The following CEP83 variants were observed in gnomAD, a reference collection of about 807,000 sequenced individuals.
The protein encoded by CEP83 is centrosomal protein 83.
CEP83 carries 70 observed loss-of-function variants against 101.9 expected under a neutral mutation model. That is an observed-to-expected ratio of 0.69 (90% CI 0.57 to 0.84). CEP83 has a LOEUF of 0.84. Among genes scored for constraint, CEP83 ranks in the 40% least tolerant of loss-of-function variants. The pLI is 0.00. For missense variants in CEP83, 715 were observed against 787.2 expected (o/e 0.91, Z 1.10); for synonymous variants, 264 against 267.9 (o/e 0.99, Z 0.14).
intron 11 of CEP83, among the ~76,000 whole-genome samples, chr12:94,343,101 G>GTATA (rs545730120): frequency 1.3e-5 from 2 of 149,748 alleles, no homozygotes; most frequent in East Asian, 3.9e-4. Flanking sequence ...GTGTGTGTAT[G>GTATA]TATATATATA....
chr12:94,428,983 T>C (rs1436877294), intron 2 of CEP83, among the ~76,000 whole-genome samples: 2 of 152,210 alleles, frequency 1.3e-5, no homozygotes, highest in Non-Finnish European at 2.9e-5. Flanking sequence ...TGATGGTCAG[T>C]GGAATATACT....
At chr12:94,333,201 GGTTTA>G (rs2059309832) in intron 13 of CEP83, among the ~76,000 whole-genome samples, 1 of 151,938 alleles carries the variant, frequency 6.6e-6, no homozygotes. Flanking sequence ...GAAATGTTTT[GGTTTA>G]ATCAATGAAT....
intron 6 of CEP83, among the ~76,000 whole-genome samples, chr12:94,399,101 C>T (rs775971912): frequency 6.6e-6 from 1 of 152,172 alleles, no homozygotes; most frequent in Non-Finnish European, 1.5e-5. Context: ...CTGCCCTTTG[C>T]CTTTTGATCT....
At chr12:94,377,511 CAATT>C (rs1335250339) in intron 7 of CEP83, among the ~76,000 whole-genome samples, 4 of 151,914 alleles carry the variant, frequency 2.6e-5, no homozygotes, top group Non-Finnish European at 5.9e-5. Flanking sequence ...ATTCGACAAA[CAATT>C]AGGGAAAAAA....
chr12:94,334,126 C>G (rs1211299280), intron 12 of CEP83, among the ~76,000 whole-genome samples: 1 of 152,166 alleles, frequency 6.6e-6, no homozygotes, highest in African/African-American at 2.4e-5. Flanking sequence ...ACTCTCCGAG[C>G]AATCAAAATT....
At chr12:94,271,102 T>G in the CEP83 span, among the ~76,000 whole-genome samples, 1 of 152,214 alleles carries the variant, frequency 6.6e-6, no homozygotes, top group Non-Finnish European at 1.5e-5. Flanking sequence ...TTAATTCAGG[T>G]TGGTATAAGA....
the CEP83 span, chr12:94,279,712 C>T: frequency 1.4e-6 from 2 of 1,382,692 alleles, no homozygotes; most frequent in African/African-American, 3.2e-5. Context: ...TGCCTGCCCT[C>T]CCTCCCTGTC....
At chr12:94,417,670 T>G (rs1329602695) in intron 2 of CEP83, among the ~76,000 whole-genome samples, 2 of 152,042 alleles carry the variant, frequency 1.3e-5, no homozygotes, top group Non-Finnish European at 2.9e-5. Flanking sequence ...ACGTCTGTCA[T>G]CTCAGCTACT....
intron 8 of CEP83, among the ~76,000 whole-genome samples, chr12:94,371,075 TTATATG>T (rs2061281282): frequency 6.6e-6 from 1 of 152,160 alleles, no homozygotes; most frequent in African/African-American, 2.4e-5. Flanking sequence ...CAAAATGTTA[TTATATG>T]TATAACATCA....
chr12:94,382,220 G>C (rs2061889287), intron 6 of CEP83, among the ~76,000 whole-genome samples: 3 of 151,906 alleles, frequency 2.0e-5, no homozygotes, highest in Admixed American at 1.3e-4. Flanking sequence ...TCATTCCTGA[G>C]ATAGGTAAAA....
chr12:94,459,129 C>A (rs1489679764), intron 1 of CEP83, among the ~76,000 whole-genome samples: 4 of 152,202 alleles, frequency 2.6e-5, no homozygotes, highest in African/African-American at 2.4e-5. Context: ...AGTGGATATT[C>A]TTAAGAGCAA....
chr12:94,405,437 G>A (rs1474358442), intron 4 of CEP83, among the ~76,000 whole-genome samples: 1 of 152,108 alleles, frequency 6.6e-6, no homozygotes. Context: ...AGTGGAAGTG[G>A]GTGGGAGAAA....
At chr12:94,456,542 A>G (rs1027678042) in intron 1 of CEP83, among the ~76,000 whole-genome samples, 5 of 152,234 alleles carry the variant, frequency 3.3e-5, no homozygotes, top group Non-Finnish European at 7.3e-5. Context: ...GAGAGGCGTC[A>G]GAAAACTTAC....
the CEP83 span, among the ~76,000 whole-genome samples, chr12:94,270,063 A>G: frequency 2.6e-5 from 4 of 152,224 alleles, no homozygotes; most frequent in East Asian, 7.7e-4. Flanking sequence ...ATGTGACTCT[A>G]TTATGTTATT....
At chr12:94,369,772 A>C in intron 9 of CEP83, 150 bp downstream of exon 9, 1 of 523,640 alleles carries the variant, frequency 1.9e-6, no homozygotes, top group Non-Finnish European at 3.3e-6. Flanking sequence ...AACACTCAAC[A>C]TATAATAAAC....
At chr12:94,300,857 A>G in the CEP83 span, 5 of 1,554,898 alleles carry the variant, frequency 3.2e-6, no homozygotes, top group South Asian at 4.7e-5. Flanking sequence ...TAAACAGACC[A>G]TTGGCTTCAT....
chr12:94,424,592 A>C (rs1038511697), intron 2 of CEP83: 13 of 1,613,524 alleles, frequency 8.1e-6, no homozygotes, highest in Non-Finnish European at 1.1e-5. Context: ...TTGCTTTACC[A>C]TCTGTGCCTG....
At chr12:94,336,593 AGAT>A (rs1565934218) in intron 11 of CEP83, among the ~76,000 whole-genome samples, 1 of 152,208 alleles carries the variant, frequency 6.6e-6, no homozygotes, top group African/African-American at 2.4e-5. Context: ...TAAATGTGTG[AGAT>A]GATTGGATAA....
intron 5 of CEP83, 192 bp downstream of exon 5, chr12:94,402,978 A>C: frequency 2.6e-6 from 1 of 384,460 alleles, no homozygotes; most frequent in Non-Finnish European, 4.6e-6. Flanking sequence ...AAACATCAGT[A>C]GGCCAATGTG....
Sources: gnomAD v4.1 joint callset for allele counts (sites outside exome capture counted in the v4.1 genomes callset) on GRCh38, gnomAD v4.1.1 for gene constraint, MANE v1.5 for transcripts, NCBI Gene and HGNC (gene_info 2026-07-23, HGNC 2026-07-21) for gene names.